ADGRV1: variants seen among roughly 807,000 people sequenced by gnomAD.
ADGRV1 encodes the protein adhesion G protein-coupled receptor V1.
A neutral mutation model predicts 596.2 loss-of-function variants in ADGRV1; 359 were observed. That is an observed-to-expected ratio of 0.60 (90% confidence interval 0.55 to 0.66). The LOEUF is 0.66. Among genes scored for constraint, ADGRV1 ranks in the 30% least tolerant of loss-of-function variants. The probability of loss-of-function intolerance (pLI) is 0.00; values close to 1 mark genes in which losing one functional copy is unlikely to be tolerated. For missense variants in ADGRV1, 7,274 were observed against 7,575.6 expected (o/e 0.96, Z 1.48); for synonymous variants, 2,681 against 2,679.2 (o/e 1.00, Z -0.02).
intron 83 of ADGRV1, among the ~76,000 whole-genome samples, chr5:90,886,771 G>GC (rs1477530568): frequency 6.6e-6 from 1 of 152,038 alleles, no homozygotes; most frequent in East Asian, 1.9e-4. Flanking sequence ...AATAATTGGG[G>GC]CCATCATTCA....
chr5:90,982,922 A>G (rs1456391688), intron 84 of ADGRV1, among the ~76,000 whole-genome samples: 1 of 152,224 alleles, frequency 6.6e-6, no homozygotes, highest in Non-Finnish European at 1.5e-5. Flanking sequence ...ACCACACTAC[A>G]TTAAAATAAA....
intron 83 of ADGRV1, among the ~76,000 whole-genome samples, chr5:90,924,475 G>A (rs1252961767): frequency 6.6e-6 from 1 of 150,948 alleles, no homozygotes; most frequent in African/African-American, 2.5e-5. Context: ...TTTTGAGGGG[G>A]TTGTTTTTTT....
In ADGRV1 at chr5:90,753,841, TA is replaced by T; in HGVS notation, c.11377+15del. The T allele has an allele frequency of 6.4e-7, 1 of 1,564,648 alleles. No homozygotes were observed. Among genetic ancestry groups the T allele is most frequent in the Non-Finnish European group, 8.7e-7 (1 of 1,152,380 alleles). On this transcript the variant is annotated intron_variant, in intron 54 of 89. Coordinates refer to ENST00000405460, the MANE Select transcript of ADGRV1 (RefSeq NM_032119.4). ...AGCAGAGCCTAAAGGTAAATATTGT[TA>T]AATATCTTTCAAGTTTTAATGAGAA...
In ADGRV1 at chr5:90,861,947, A is replaced by T. The variant is rs185030766; in HGVS notation, c.17756-1810A>T. Among the ~76,000 whole-genome samples, 3 of 152,246 alleles carry T rather than the reference A, an allele frequency of 2.0e-5. No homozygotes were observed. In the East Asian group the frequency reaches 5.8e-4, roughly 29 times the overall value. Reference sequence around the variant, plus strand: ...TTATTCTCCCCTACGTAAAAAACGCATCTAGATAACTATGATGCGTTATAG... The same window carrying T: ...TTATTCTCCCCTACGTAAAAAACGCTTCTAGATAACTATGATGCGTTATAG... On this transcript the variant is annotated intron_variant, in intron 82 of 89. Coordinates refer to ENST00000405460, the MANE Select transcript of ADGRV1 (RefSeq NM_032119.4).
intron 59 of ADGRV1, among the ~76,000 whole-genome samples, chr5:90,772,618 A>C (rs1353786040): frequency 6.6e-6 from 1 of 152,206 alleles, no homozygotes; most frequent in Non-Finnish European, 1.5e-5. Context: ...CATGTCTGCA[A>C]ATTACCACAA....
At chr5:90,567,101 A>C (rs185268197) in intron 1 of ADGRV1, among the ~76,000 whole-genome samples, 1 of 152,174 alleles carries the variant, frequency 6.6e-6, no homozygotes, top group Admixed American at 6.5e-5. Context: ...GGTACATTGC[A>C]TTAATTGGTT....
Position 90,969,490 on chromosome 5 carries a change from A to T in ADGRV1, c.17973+3959A>T, listed in dbSNP as rs895414832. Among the ~76,000 whole-genome samples, 15 of 152,244 alleles carry T rather than the reference A, an allele frequency of 9.9e-5. 1 individual carries two copies. Among genetic ancestry groups the T allele is most frequent in the Non-Finnish European group, 7.3e-5 (5 of 68,050 alleles). On this transcript the variant is annotated intron_variant, in intron 84 of 89. Transcript: ENST00000405460. Reference sequence around the variant, plus strand: ...TTTAACTCCTTATTAAAGTAGATGCATGGCTCATAACAGGCTCCATAAATA... The same window carrying T: ...TTTAACTCCTTATTAAAGTAGATGCTTGGCTCATAACAGGCTCCATAAATA...
chr5:90,865,086 A>T (rs1342158765), intron 83 of ADGRV1, among the ~76,000 whole-genome samples: 1 of 152,082 alleles, frequency 6.6e-6, no homozygotes. Flanking sequence ...AAATTCCATA[A>T]CTCTGTTTTT....
At chr5:90,789,660 A>G (rs891169446) in intron 68 of ADGRV1, 42 bp from the exon 69 acceptor site, 3 of 1,238,708 alleles carry the variant, frequency 2.4e-6, no homozygotes, top group African/African-American at 1.5e-5. Context: ...TTTCATCCCT[A>G]TTGTTTTATA....
intron 43 of ADGRV1, among the ~76,000 whole-genome samples, chr5:90,719,320 CATAAATAAATAAATAAATAAATAAATAA>C (rs3045849): frequency 2.0e-5 from 3 of 149,360 alleles, no homozygotes; most frequent in East Asian, 2.0e-4. Context: ...GACTCTGTCT[CATAAATAAATAAATAAATAAATAAATAA>C]ATAAATAAAT....
chr5:90,998,343 A>G (rs1176289998), intron 85 of ADGRV1, among the ~76,000 whole-genome samples: 1 of 152,144 alleles, frequency 6.6e-6, no homozygotes, highest in Non-Finnish European at 1.5e-5. Flanking sequence ...TTTACACACA[A>G]TCACAACAAA....
chr5:91,149,249 C>T (rs796204640), intron 87 of ADGRV1, among the ~76,000 whole-genome samples: 5 of 152,292 alleles, frequency 3.3e-5, no homozygotes, highest in African/African-American at 1.2e-4. Flanking sequence ...TGGTTTGGCT[C>T]TGTGTTCTCC....
rs1771073431 is a variant in ADGRV1, at chr5:90,665,058, A to G, written c.4752+6780A>G. 3.3e-5 allele frequency among the ~76,000 whole-genome samples: 5 copies of G among 150,846 alleles called. No homozygotes were observed. The South Asian group carries it at 1.1e-3, about 32-fold the overall frequency. On this transcript the variant is annotated intron_variant, in intron 21 of 89. Coordinates refer to ENST00000405460, the MANE Select transcript of ADGRV1 (RefSeq NM_032119.4). ...TTTTGCATCAGTGTTCATCAAGGAT[A>G]TTGGTCTAAAATTCTCTTTTTTGGT...
intron 7 of ADGRV1, among the ~76,000 whole-genome samples, chr5:90,628,261 G>T (rs1164996529): frequency 7.4e-5 from 4 of 53,930 alleles, no homozygotes; most frequent in African/African-American, 4.4e-4. Context: ...AAAATAAAAA[G>T]ATTAGCTGAG....
At chr5:91,100,897 A>G (rs1380746943) in intron 86 of ADGRV1, among the ~76,000 whole-genome samples, 1 of 152,224 alleles carries the variant, frequency 6.6e-6, no homozygotes, top group Non-Finnish European at 1.5e-5. Flanking sequence ...ATTTAAGGAC[A>G]CTGCAAGAAA....
Position 90,840,640 on chromosome 5 carries a change from T to C in ADGRV1, c.16674T>C (p.Asp5558=). Residue 5558 remains aspartate (D), a synonymous_variant, in exon 78 of 90, where the codon GAT becomes GAC. Transcript: ENST00000405460. ...TIISPAISGK[D]FVITEGTLVF... ...TATCTCCAGCTATTTCTGGAAAGGA[T>C]TTTGTGATAACTGAAGGCACATTGG... is the stretch of plus-strand genomic sequence containing the variant. The C allele has an allele frequency of 6.2e-7, 1 of 1,613,550 alleles. No homozygotes were observed. Among genetic ancestry groups the C allele is most frequent in the Non-Finnish European group, 8.5e-7 (1 of 1,179,558 alleles).
At chr5:90,795,082 A>G (rs1372658857) in intron 70 of ADGRV1, among the ~76,000 whole-genome samples, 2 of 148,000 alleles carry the variant, frequency 1.4e-5, no homozygotes, top group African/African-American at 5.0e-5. Context: ...ATCTAGCTGC[A>G]GAAGTTTTTT....
At position 90,658,235 on chromosome 5, in the gene ADGRV1, A is replaced by G. The variant is rs746779107; in HGVS notation, c.4709A>G (p.Asn1570Ser). ...TARLTIQKSD[N>S]ANGLFGFTGA... ...AGATTAACAATACAAAAAAGTGACA[A>G]TGCAAATGGCTTGTTTGGTTTCACA... Residue 1570 changes from asparagine to serine, a missense_variant, in exon 21 of 90, where the codon AAT becomes AGT. Physicochemically the swap from Asn to Ser is conservative, Grantham distance 46 (BLOSUM62 1). This residue lies in a region of ADGRV1 where 3,643 missense variants were observed against 3,809.2 expected (regional missense o/e 0.96). Coordinates refer to ENST00000405460, the MANE Select transcript of ADGRV1 (RefSeq NM_032119.4). 1.9e-6 allele frequency: 3 copies of G among 1,541,876 alleles called. No individual in the cohort carries two copies. Among genetic ancestry groups the G allele is most frequent in the Middle Eastern group, 1.7e-4 (1 of 5,722 alleles).
intron 85 of ADGRV1, among the ~76,000 whole-genome samples, chr5:90,994,714 A>G (rs144196059): frequency 0.016 from 2,444 of 152,314 alleles, 76 homozygotes; most frequent in African/African-American, 0.056. Context: ...TTCTGTTCAC[A>G]GTAGTAGTTG....
Sources: allele counts gnomAD v4.1 joint callset (sites outside exome capture counted in the v4.1 genomes callset), GRCh38; gene constraint gnomAD v4.1.1; regional missense constraint gnomAD v4.1.1; transcripts MANE v1.5; gene names NCBI Gene and HGNC (gene_info 2026-07-23, HGNC 2026-07-21).